The following UBASH3B variants were observed in gnomAD, a reference collection of about 807,000 sequenced individuals.
UBASH3B encodes ubiquitin associated and SH3 domain containing B, also known as ubiquitin-associated and SH3 domain-containing protein B.
In UBASH3B, 37 loss-of-function variants were observed where a neutral mutation model predicts 83.4. That is an observed-to-expected ratio of 0.44 (90% CI 0.34 to 0.58). The LOEUF is 0.58. UBASH3B is among the 20% of genes least tolerant of loss of function. The pLI is 0.01. For missense variants in UBASH3B, 657 were observed against 827.2 expected, an observed-to-expected ratio of 0.79 and a Z score of 2.52; for synonymous variants, 304 against 318.3, an observed-to-expected ratio of 0.96 and a Z score of 0.48.
At chr11:122,743,206 G>C (rs1175436240) in intron 1 of UBASH3B, among the ~76,000 whole-genome samples, 1 of 152,002 alleles carries the variant, frequency 6.6e-6, no homozygotes, top group African/African-American at 2.4e-5. Flanking sequence ...TGGAACAAGT[G>C]ACTTAATCTC....
intron 1 of UBASH3B, among the ~76,000 whole-genome samples, chr11:122,706,481 A>ACAACTAG (rs1864121617): frequency 6.6e-6 from 1 of 152,120 alleles, no homozygotes; most frequent in Non-Finnish European, 1.5e-5. Context: ...GTTGCTAACA[A>ACAACTAG]CTTGTGTTGT....
chr11:122,704,502 G>C (rs997085678), intron 1 of UBASH3B, among the ~76,000 whole-genome samples: 2 of 151,868 alleles, frequency 1.3e-5, no homozygotes, highest in Admixed American at 6.6e-5. Context: ...TTACAGATGA[G>C]TGTCTCTGGA....
intron 1 of UBASH3B, among the ~76,000 whole-genome samples, chr11:122,686,988 C>T (rs1744956776): frequency 6.6e-6 from 1 of 152,114 alleles, no homozygotes; most frequent in Non-Finnish European, 1.5e-5. Flanking sequence ...CTGCCTCAGC[C>T]TCCTGAGTAG....
At chr11:122,723,211 A>C (rs1860672503) in intron 1 of UBASH3B, among the ~76,000 whole-genome samples, 1 of 152,258 alleles carries the variant, frequency 6.6e-6, no homozygotes, top group Admixed American at 6.5e-5. Flanking sequence ...CTGACAATTA[A>C]CCAGGCTTGG....
Position 122,810,543 on chromosome 11 carries a change from C to G in UBASH3B, c.*657C>G, listed in dbSNP as rs1320453403. 6.6e-6 allele frequency: 1 copy of G among 150,862 alleles called. No homozygotes were observed. Among genetic ancestry groups the G allele is most frequent in the East Asian group, 1.9e-4 (1 of 5,160 alleles). The allele number at this position is 150,862 out of a possible 1,614,324, so 9.3% of individuals were successfully genotyped here. ...GCCCTTCTTGCTACAGCCCTATCCCCCCTCCTTGCTTCTGTGAAATGGGGA... is the reference window on the plus strand; with the variant it reads ...GCCCTTCTTGCTACAGCCCTATCCCGCCTCCTTGCTTCTGTGAAATGGGGA... On this transcript the variant is annotated 3_prime_UTR_variant, in exon 14 of 14. Coordinates refer to ENST00000284273, the MANE Select transcript of UBASH3B (RefSeq NM_032873.5).
chr11:122,754,025 C>T (rs1433391049), intron 1 of UBASH3B, among the ~76,000 whole-genome samples: 1 of 152,188 alleles, frequency 6.6e-6, no homozygotes, highest in African/African-American at 2.4e-5. Flanking sequence ...GACATGGTAG[C>T]CACTAGCACC....
intron 1 of UBASH3B, among the ~76,000 whole-genome samples, chr11:122,763,407 C>G (rs967215013): frequency 6.6e-6 from 1 of 152,182 alleles, no homozygotes; most frequent in African/African-American, 2.4e-5. Flanking sequence ...TAACCACCCC[C>G]TAAGGAGGGC....
intron 1 of UBASH3B, among the ~76,000 whole-genome samples, chr11:122,671,152 C>T (rs12291999): frequency 0.26 from 38,893 of 152,070 alleles, 5,098 homozygotes; most frequent in Non-Finnish European, 0.27. Context: ...AGGAGTGTGG[C>T]GCTCCTCAGT....
chr11:122,725,542 G>A (rs575701490), intron 1 of UBASH3B, among the ~76,000 whole-genome samples: 27 of 102,922 alleles, frequency 2.6e-4, no homozygotes, highest in Non-Finnish European at 3.5e-4. Context: ...TCTCCCCATC[G>A]TTCTGTAGGT....
intron 1 of UBASH3B, among the ~76,000 whole-genome samples, chr11:122,760,527 A>AT (rs565198682): frequency 6.6e-6 from 1 of 151,824 alleles, no homozygotes; most frequent in South Asian, 2.1e-4. Flanking sequence ...CACCTGGCTA[A>AT]TTTTTTTGTA....
At chr11:122,746,616 A>C (rs1032129980) in intron 1 of UBASH3B, among the ~76,000 whole-genome samples, 1 of 152,242 alleles carries the variant, frequency 6.6e-6, no homozygotes, top group Non-Finnish European at 1.5e-5. Flanking sequence ...GAAGGAAATA[A>C]TTAGAGATAA....
At chr11:122,770,022 T>A (rs1860615137) in intron 1 of UBASH3B, among the ~76,000 whole-genome samples, 1 of 152,220 alleles carries the variant, frequency 6.6e-6, no homozygotes, top group African/African-American at 2.4e-5. Context: ...AGGAAAGATA[T>A]AATTTAATAT....
chr11:122,685,300 T>G (rs1364758763), intron 1 of UBASH3B, among the ~76,000 whole-genome samples: 1 of 152,198 alleles, frequency 6.6e-6, no homozygotes, highest in Non-Finnish European at 1.5e-5. Flanking sequence ...ACTGTCTTAT[T>G]CATTACTCTG....
At chr11:122,780,532 A>C (rs1333140340) in intron 4 of UBASH3B, among the ~76,000 whole-genome samples, 1 of 152,210 alleles carries the variant, frequency 6.6e-6, no homozygotes, top group African/African-American at 2.4e-5. Context: ...CTTACTGGTC[A>C]CCTACTATGA....
chr11:122,680,550 G>A (rs1450184534), intron 1 of UBASH3B, among the ~76,000 whole-genome samples: 1 of 152,204 alleles, frequency 6.6e-6, no homozygotes, highest in Non-Finnish European at 1.5e-5. Context: ...CGCAACCTCT[G>A]ACACCTGGGT....
intron 1 of UBASH3B, among the ~76,000 whole-genome samples, chr11:122,770,145 A>G (rs1158703543): frequency 5.9e-5 from 9 of 152,266 alleles, no homozygotes; most frequent in Non-Finnish European, 1.3e-4. Flanking sequence ...TGGAGCAGGT[A>G]CAGTGCCTAC....
chr11:122,707,793 T>C (rs1864142383), intron 1 of UBASH3B, among the ~76,000 whole-genome samples: 1 of 151,056 alleles, frequency 6.6e-6, no homozygotes, highest in Non-Finnish European at 1.5e-5. Flanking sequence ...CCGCCTCCTG[T>C]GTTCAAGCGA....
intron 1 of UBASH3B, among the ~76,000 whole-genome samples, chr11:122,673,551 C>A (rs759336930): frequency 3.3e-5 from 5 of 151,984 alleles, no homozygotes; most frequent in South Asian, 2.1e-4. Flanking sequence ...CCCAGCTACT[C>A]GGGAGGCTGA....
At chr11:122,784,256 AAGG>A (rs1437183864) in intron 5 of UBASH3B, among the ~76,000 whole-genome samples, 3 of 152,088 alleles carry the variant, frequency 2.0e-5, no homozygotes, top group African/African-American at 7.2e-5. Flanking sequence ...TTCTATCCTG[AAGG>A]AGAAGCTGAG....
Sources: gnomAD v4.1 joint callset for allele counts (sites outside exome capture counted in the v4.1 genomes callset) on GRCh38, gnomAD v4.1.1 for gene constraint, MANE v1.5 for transcripts, NCBI Gene and HGNC (gene_info 2026-07-23, HGNC 2026-07-21) for gene names.